The following ERI1 variants were observed in gnomAD, a reference collection of about 807,000 sequenced individuals.
ERI1 encodes exoribonuclease 1.
In ERI1, 39 loss-of-function variants were observed where a neutral mutation model predicts 39.7. The observed-to-expected ratio is 0.98, with a 90% CI of 0.76 to 1.28. ERI1 has a LOEUF of 1.28. Among genes scored for constraint, ERI1 ranks in the 50% most tolerant of loss-of-function variants. ERI1 has a pLI of 0.00. For missense variants in ERI1, 581 were observed against 416.9 expected, an observed-to-expected ratio of 1.39 and a Z score of -3.43; for synonymous variants, 204 against 149.6, an observed-to-expected ratio of 1.36 and a Z score of -2.65.
At chr8:9,047,976 GCTGAGGAAATGAAAGTCAACTCT>G (rs1204111777) in intron 3 of ERI1, among the ~76,000 whole-genome samples, 1 of 152,252 alleles carries the variant, frequency 6.6e-6, no homozygotes, top group Non-Finnish European at 1.5e-5. Flanking sequence ...CCATAGCACA[GCTGAGGAAATGAAAGTCAACTCT>G]CTTGTCCAAG....
chr8:9,062,265 G>C (rs1322874963), intron 3 of ERI1, among the ~76,000 whole-genome samples: 5 of 151,890 alleles, frequency 3.3e-5, no homozygotes, highest in African/African-American at 1.2e-4. Flanking sequence ...AGGGAGTAGA[G>C]GTATCTTATA....
intron 1 of ERI1, among the ~76,000 whole-genome samples, chr8:9,005,005 C>G (rs1202136991): frequency 6.6e-6 from 1 of 152,072 alleles, no homozygotes; most frequent in Non-Finnish European, 1.5e-5. Context: ...CAGTGTTTTT[C>G]AATCTGGGCC....
At chr8:9,063,521 A>AGGAGCAGCCTGGGG (rs1563366391) in intron 3 of ERI1, among the ~76,000 whole-genome samples, 1 of 151,872 alleles carries the variant, frequency 6.6e-6, no homozygotes, top group South Asian at 2.1e-4. Context: ...TCGGCCTGGC[A>AGGAGCAGCCTGGGG]AGGAGGGGAG....
intron 1 of ERI1, among the ~76,000 whole-genome samples, chr8:9,003,867 C>T (rs1226420330): frequency 6.6e-6 from 1 of 152,226 alleles, no homozygotes; most frequent in African/African-American, 2.4e-5. Flanking sequence ...CGTAAAGCTT[C>T]ATAAAGTGCG....
Position 9,002,956 on chromosome 8 carries a change from G to T in ERI1, c.-108G>T, listed in dbSNP as rs552683650. ...TTTGTGTGGCCGCCGCCGCGGGAAC[G>T]CGAGCCCGGTAATTTTTCAACGGAG... On this transcript the variant is annotated 5_prime_UTR_variant, in exon 1 of 7. Transcript: ENST00000250263. 2 of 814,462 alleles carry T rather than the reference G, an allele frequency of 2.5e-6. No homozygotes were observed. The highest frequency in any genetic ancestry group is 3.3e-6 in the Non-Finnish European group (2 of 605,262). 50.5% of individuals were successfully genotyped at this position (814,462 alleles called of 1,614,324 possible).
rs1193790071 is a variant in ERI1 at position 9,022,564 on chromosome 8, TA to T, written c.807+2102del. On this transcript the variant is annotated intron_variant, in intron 6 of 6. Transcript: ENST00000250263. ...ACGGGCGCCCACAACCACAACTGGC[TA>T]ATTTTTGTATTTTCAGTAGAGACGG... 2.0e-5 allele frequency among the ~76,000 whole-genome samples: 3 copies of T among 152,126 alleles called. No individual in the cohort carries two copies. The East Asian group carries it at 5.8e-4, about 29-fold the overall frequency.
At chr8:9,047,202 C>T (rs547058524) in intron 3 of ERI1, among the ~76,000 whole-genome samples, 15 of 152,256 alleles carry the variant, frequency 9.9e-5, no homozygotes, top group African/African-American at 3.6e-4. Flanking sequence ...AGCCACCATC[C>T]CACACCTAAA....
In ERI1 at chr8:9,030,789, A is replaced by G. The variant is rs1797534504; in HGVS notation, c.*755A>G. 1 of 152,140 alleles carries G rather than the reference A, an allele frequency of 6.6e-6. No individual in the cohort carries two copies. The allele number at this position is 152,140 out of a possible 1,614,324, so 9.4% of individuals were successfully genotyped here. On this transcript the variant is annotated 3_prime_UTR_variant, in exon 7 of 7. Coordinates refer to ENST00000250263, the MANE Select transcript of ERI1 (RefSeq NM_153332.4). The stretch of plus-strand genomic sequence containing the variant: ...CCTTTTTTGACATATGTATGCCTTA[A>G]TTCTTAAATCTGAGGGACCATGCTT...
intron 3 of ERI1, among the ~76,000 whole-genome samples, chr8:9,086,451 G>C (rs548516358): frequency 1.3e-5 from 2 of 152,328 alleles, no homozygotes; most frequent in East Asian, 3.9e-4. Flanking sequence ...TCTGGAGGCT[G>C]AGGTGGGAGG....
intron 3 of ERI1, among the ~76,000 whole-genome samples, chr8:9,039,473 C>G (rs1446838640): frequency 6.6e-6 from 1 of 152,068 alleles, no homozygotes; most frequent in South Asian, 2.1e-4. Flanking sequence ...CATTAAAAAC[C>G]ATCACAGAAC....
intron 3 of ERI1, among the ~76,000 whole-genome samples, chr8:9,065,071 G>A (rs1319268348): frequency 6.6e-6 from 1 of 152,110 alleles, no homozygotes; most frequent in East Asian, 1.9e-4. Flanking sequence ...GTTAAGGCAG[G>A]AACAGGCCAT....
chr8:9,060,598 AT>A (rs1798661026), intron 3 of ERI1, among the ~76,000 whole-genome samples: 1 of 152,210 alleles, frequency 6.6e-6, no homozygotes, highest in Non-Finnish European at 1.5e-5. Context: ...AGGTTATGAA[AT>A]GACCACAGAA....
At chr8:9,094,730 T>C (rs142066755) in intron 3 of ERI1, among the ~76,000 whole-genome samples, 1 of 152,246 alleles carries the variant, frequency 6.6e-6, no homozygotes, top group East Asian at 1.9e-4. Flanking sequence ...GTATTTCATC[T>C]CCTGTAGGAC....
chr8:9,005,814 G>GT (rs1302763487), intron 1 of ERI1, among the ~76,000 whole-genome samples: 82 of 152,300 alleles, frequency 5.4e-4, no homozygotes, highest in African/African-American at 1.9e-3. Context: ...TTTTAAAGTA[G>GT]TTTGCCACAA....
chr8:9,018,229 TG>T, intron 4 of ERI1, 67 bp from the exon 5 acceptor site: 1 of 808,510 alleles, frequency 1.2e-6, no homozygotes, highest in Non-Finnish European at 2.0e-6. Flanking sequence ...AACTTAGGTC[TG>T]GGTATTTTGT....
At chr8:9,097,305 C>G (rs915191872) in intron 3 of ERI1, among the ~76,000 whole-genome samples, 2 of 152,146 alleles carry the variant, frequency 1.3e-5, no homozygotes, top group Non-Finnish European at 2.9e-5. Flanking sequence ...TTGTGCTAGG[C>G]ATTGCATTTG....
intron 3 of ERI1, among the ~76,000 whole-genome samples, chr8:9,063,208 G>C (rs1010761504): frequency 6.6e-6 from 1 of 152,142 alleles, no homozygotes; most frequent in Non-Finnish European, 1.5e-5. Context: ...TGACCTTTTA[G>C]GGTCTAGGGC....
rs1376094740 is a variant in ERI1, at chr8:9,030,902, C to G, written c.*868C>G. 1 of 152,088 alleles carries G rather than the reference C, an allele frequency of 6.6e-6. No individual in the cohort carries two copies. Among genetic ancestry groups the G allele is most frequent in the Non-Finnish European group, 1.5e-5 (1 of 67,996 alleles). The allele number at this position is 152,088 out of a possible 1,614,324, so 9.4% of individuals were successfully genotyped here. A position where few individuals can be genotyped will look rare whatever the true frequency, so the allele number is the denominator to read the frequency against. ...AGGTTAATAAAGTCAATACTTTCTA[C>G]CATATATTACGTTTTTGTTATTAAA... is the stretch of plus-strand genomic sequence containing the variant. On this transcript the variant is annotated 3_prime_UTR_variant, in exon 7 of 7. Coordinates refer to ENST00000250263, the MANE Select transcript of ERI1 (RefSeq NM_153332.4).
At chr8:9,045,828 C>T (rs983520726) in intron 3 of ERI1, among the ~76,000 whole-genome samples, 3 of 151,872 alleles carry the variant, frequency 2.0e-5, no homozygotes, top group Admixed American at 2.0e-4. Context: ...AGGCATGCAT[C>T]ACCACGCCTG....
Sources: gnomAD v4.1 joint callset for allele counts (sites outside exome capture counted in the v4.1 genomes callset) on GRCh38, gnomAD v4.1.1 for gene constraint, MANE v1.5 for transcripts, NCBI Gene and HGNC (gene_info 2026-07-23, HGNC 2026-07-21) for gene names.